The following WDR36 variants were observed in gnomAD, a reference collection of about 807,000 sequenced individuals.
WDR36 encodes the protein WD repeat-containing protein 36.
Under a neutral mutation model 112.7 loss-of-function variants are expected in WDR36, and 63 were observed. The ratio of observed to expected loss-of-function variants is 0.56; its 90% CI spans 0.46 to 0.69. The LOEUF (loss-of-function observed/expected upper bound fraction) is 0.69, where lower values mean the gene tolerates loss of function less well. Ranked by LOEUF, WDR36 falls within the 30% of genes least tolerant of loss-of-function variation. The probability of loss-of-function intolerance (pLI) is 0.00; values close to 1 mark genes in which losing one functional copy is unlikely to be tolerated. For synonymous variants in WDR36, 410 were observed against 362.2 expected (o/e 1.13, Z -1.50); for missense variants, 1,226 against 1,070.3 (o/e 1.15, Z -2.03).
At chr5:111,110,634 T>G (rs113242914) in intron 13 of WDR36, among the ~76,000 whole-genome samples, 154 bp from the exon 14 acceptor site, 33 of 151,728 alleles carry the variant, frequency 2.2e-4, no homozygotes, top group Non-Finnish European at 4.6e-4. Context: ...ATTAAGAATC[T>G]TCTTACACCC....
rs1378972473 is a variant in WDR36, at chr5:111,100,732, T to C, written c.542+11T>C. 3 of 1,606,824 alleles carry C rather than the reference T, an allele frequency of 1.9e-6. No homozygotes were observed. The highest frequency in any genetic ancestry group is 3.3e-5 in the Admixed American group (2 of 59,712). On this transcript the variant is annotated intron_variant, in intron 5 of 22. Transcript: ENST00000513710. ...GAATGTAAAATCCAAGTAAGTATTT[T>C]AGTTAGAAAATAATATAGCTGTCAC...
rs564536607 is a variant in WDR36 at position 111,101,455 on chromosome 5, G to A, written c.542+734G>A. Among the ~76,000 whole-genome samples, 10 of 151,952 alleles carry A rather than the reference G, an allele frequency of 6.6e-5. No homozygotes were observed. In the South Asian group the frequency reaches 1.5e-3, roughly 22 times the overall value. On this transcript the variant is annotated intron_variant, in intron 5 of 22. Transcript: ENST00000513710. ...AAGGCAAATCAATAATTTAGTGCTA[G>A]CATTTAGAAATGATTTTTAGGGTTA...
Position 111,124,271 on chromosome 5 carries a change from C to T in WDR36, c.2350+82C>T, listed in dbSNP as rs189614280. 348 of 1,166,116 alleles carry T rather than the reference C, an allele frequency of 3.0e-4. 1 individual carries two copies. Among genetic ancestry groups the T allele is most frequent in the East Asian group, 8.8e-4 (34 of 38,648 alleles). 72.2% of individuals were successfully genotyped at this position (1,166,116 alleles called of 1,614,324 possible). On this transcript the variant is annotated intron_variant, in intron 21 of 22. Transcript: ENST00000513710. ...GAGGAGAAATTGAAGGAAATATCAG[C>T]GTTCTCAGTAGTTAAGATAGTAAAA...
chr5:111,096,466 G>A (rs1277652879), intron 2 of WDR36, among the ~76,000 whole-genome samples: 1 of 152,202 alleles, frequency 6.6e-6, no homozygotes, highest in Non-Finnish European at 1.5e-5. Context: ...CACTTTGGAA[G>A]GCCGAGGTGG....
Position 111,104,289 on chromosome 5 carries a change from C to T in WDR36, c.843C>T (p.Ala281=), listed in dbSNP as rs1753178750. ...GAAATGCACACTCTACAGCAATTGC[C>T]GGACTGACATTTCTCCATAGAGAGC... ...QMRNAHSTAI[A]GLTFLHREPL... Residue 281 remains alanine (A), a synonymous_variant, in exon 8 of 23, where the codon GCC becomes GCT. Transcript: ENST00000513710. 6.2e-6 allele frequency: 10 copies of T among 1,612,008 alleles called. No individual in the cohort carries two copies. Among genetic ancestry groups the T allele is most frequent in the Non-Finnish European group, 8.5e-6 (10 of 1,178,568 alleles).
intron 11 of WDR36, 132 bp downstream of exon 11, chr5:111,106,275 C>A: frequency 1.2e-6 from 1 of 805,298 alleles, no homozygotes; most frequent in Non-Finnish European, 2.1e-6. Flanking sequence ...ACCCCAGGTG[C>A]ATGCTGGTCT....
At position 111,127,432 on chromosome 5, in the gene WDR36, A is replaced by G. The variant is rs1753696735; in HGVS notation, c.*549A>G. On this transcript the variant is annotated 3_prime_UTR_variant, in exon 23 of 23. Coordinates refer to ENST00000513710, the MANE Select transcript of WDR36 (RefSeq NM_139281.3). ...TAGTTATAAAAATGCTGTTATGAAGAAAAAAGGAATGCTTTTTTCCTCGGT... is the reference window on the plus strand; with the variant it reads ...TAGTTATAAAAATGCTGTTATGAAGGAAAAAGGAATGCTTTTTTCCTCGGT... The G allele has an allele frequency of 4.9e-6, 1 of 203,176 alleles. No homozygotes were observed. The allele number at this position is 203,176 out of a possible 1,614,324, so 12.6% of individuals were successfully genotyped here. A position where few individuals can be genotyped will look rare whatever the true frequency, so the allele number is the denominator to read the frequency against.
intron 2 of WDR36, among the ~76,000 whole-genome samples, chr5:111,096,414 A>G (rs902383028): frequency 5.3e-5 from 8 of 152,174 alleles, no homozygotes; most frequent in African/African-American, 1.7e-4. Flanking sequence ...TCCAGAAGAT[A>G]CTCACATGGG....
intron 20 of WDR36, 58 bp from the exon 21 acceptor site, chr5:111,124,050 A>G (rs1484418567): frequency 7.5e-6 from 12 of 1,602,046 alleles, no homozygotes; most frequent in South Asian, 3.3e-5. Context: ...ATTACAAACT[A>G]TACATTTTTG....
intron 11 of WDR36, 103 bp downstream of exon 11, chr5:111,106,246 A>G (rs1753219601): frequency 9.1e-7 from 1 of 1,094,974 alleles, no homozygotes; most frequent in Non-Finnish European, 1.4e-6. Flanking sequence ...TACAAATATT[A>G]ATAAGCATTC....
rs200556973 is a variant in WDR36 at position 111,113,050 on chromosome 5, A to AT, written c.1717-23dup. On this transcript the variant is annotated intron_variant, in intron 15 of 22. Transcript: ENST00000513710. Reference sequence around the variant, plus strand: ...ATATATAAATAATATATATATATATATATTTTTTTTTTTTAATTTAAAGGC... The same window carrying AT: ...ATATATAAATAATATATATATATATATTATTTTTTTTTTTTAATTTAAAGGC... The AT allele has an allele frequency of 0.023, 10,684 of 466,170 alleles. 265 individuals carry two copies. The highest frequency in any genetic ancestry group is 0.17 in the African/African-American group (4,554 of 26,474). 28.9% of individuals were successfully genotyped at this position (466,170 alleles called of 1,614,324 possible).
At position 111,107,302 on chromosome 5, in the gene WDR36, C is replaced by T. The variant is rs747316382; in HGVS notation, c.1189C>T (p.Arg397Cys). ...PITKFAAEEA[R>C]ESDWDGIIAC... ...TTTTCATTACGTTTTAGAGGAAGCT[C>T]GTGAAAGTGACTGGGATGGTATCAT... Residue 397 changes from arginine (R) to cysteine (C), a missense_variant, in exon 12 of 23, where the codon CGT becomes TGT. By Grantham distance (180) the Arg-to-Cys change is radical. Coordinates refer to ENST00000513710, the MANE Select transcript of WDR36 (RefSeq NM_139281.3). 3.7e-6 allele frequency: 6 copies of T among 1,609,616 alleles called. No homozygotes were observed. The highest frequency in any genetic ancestry group is 1.7e-5 in the Admixed American group (1 of 59,590).
rs753865746 is a variant in WDR36 at position 111,111,230 on chromosome 5, G to A, written c.1668G>A (p.Arg556=). 1 of 1,611,696 alleles carries A rather than the reference G, an allele frequency of 6.2e-7. No individual in the cohort carries two copies. Among genetic ancestry groups the A allele is most frequent in the Non-Finnish European group, 8.5e-7 (1 of 1,178,276 alleles). ...FSISVLDIET[R]KIVREFSGHQ... The stretch of plus-strand genomic sequence containing the variant: ...TTAGTGTTCTGGACATAGAAACTAG[G>A]AAGATTGTCAGAGAGTTTTCTGGAC... Residue 556 remains arginine, a synonymous_variant, in exon 15 of 23, where the codon AGG becomes AGA. Transcript: ENST00000513710.
chr5:111,094,914 A>C lies in WDR36; in HGVS notation c.163-6A>C, dbSNP rs566109634. The C allele has an allele frequency of 1.5e-5, 24 of 1,601,026 alleles. No homozygotes were observed. Among genetic ancestry groups the C allele is most frequent in the African/African-American group, 2.7e-5 (2 of 74,616 alleles). ...GAAAATTTAACCTTTTTTCTTTTTT[A>C]AACAGGTTCAGAAACTTAGTCTGGT... On this transcript the variant is annotated splice_region_variant and splice_polypyrimidine_tract_variant and intron_variant, in intron 1 of 22. Coordinates refer to ENST00000513710, the MANE Select transcript of WDR36 (RefSeq NM_139281.3).
chr5:111,096,699 G>A (rs562887960), intron 2 of WDR36, among the ~76,000 whole-genome samples: 34 of 151,132 alleles, frequency 2.2e-4, no homozygotes, highest in Admixed American at 1.6e-3. Flanking sequence ...GCAAGACTCC[G>A]TCTCTCAAAA....
chr5:111,123,911 A>C lies in WDR36; in HGVS notation c.2255A>C (p.Asn752Thr). 1 of 1,613,754 alleles carries C rather than the reference A, an allele frequency of 6.2e-7. No homozygotes were observed. Among genetic ancestry groups the C allele is most frequent in the East Asian group, 2.2e-5 (1 of 44,828 alleles). Residue 752 changes from asparagine (N) to threonine (T), a missense_variant, in exon 20 of 23, where the codon AAT (asparagine) becomes ACT (threonine). Physicochemically the swap from Asn to Thr is moderately conservative, Grantham distance 65. Coordinates refer to ENST00000513710, the MANE Select transcript of WDR36 (RefSeq NM_139281.3). ...AGATATGCTGCACCTGAACAAAATA[A>C]TGATCCCCAGCAGGTAAAAAACAAA... ...VPRYAAPEQN[N>T]DPQQSKVVNL...
At chr5:111,098,621 A>G in intron 3 of WDR36, 101 bp from the exon 4 acceptor site, 1 of 833,212 alleles carries the variant, frequency 1.2e-6, no homozygotes, top group Middle Eastern at 3.0e-4. Flanking sequence ...ACATTTCTTA[A>G]CAGAAGCATC....
chr5:111,118,213 C>G (rs1434017999), intron 16 of WDR36, among the ~76,000 whole-genome samples: 1 of 152,210 alleles, frequency 6.6e-6, no homozygotes, highest in East Asian at 1.9e-4. Flanking sequence ...ACTCCTCACT[C>G]TACACAATTG....
At position 111,097,197 on chromosome 5, in the gene WDR36, A is replaced by G. The variant is rs753567105; in HGVS notation, c.291+18A>G. On this transcript the variant is annotated intron_variant, in intron 3 of 22. Transcript: ENST00000513710. Reference sequence around the variant, plus strand: ...ATAAAGAGGTTGGTATCGCTAAACTACTTGTTTGTCAGTCAGTATTTGTTT... The same window carrying G: ...ATAAAGAGGTTGGTATCGCTAAACTGCTTGTTTGTCAGTCAGTATTTGTTT... The G allele has an allele frequency of 7.0e-6, 11 of 1,571,166 alleles. No individual in the cohort carries two copies. The Admixed American group carries it at 1.3e-4, about 19-fold the overall frequency.
Sources: gnomAD v4.1 joint callset for allele counts (sites outside exome capture counted in the v4.1 genomes callset) on GRCh38, gnomAD v4.1.1 for gene constraint, MANE v1.5 for transcripts, NCBI Gene and HGNC (gene_info 2026-07-23, HGNC 2026-07-21) for gene names.